BEAN1: variants seen among roughly 807,000 people sequenced by gnomAD.
BEAN1 encodes protein BEAN1.
A neutral mutation model predicts 17.7 loss-of-function variants in BEAN1; 17 were observed. The observed-to-expected ratio is 0.96, with a 90% CI of 0.66 to 1.44. The LOEUF (loss-of-function observed/expected upper bound fraction) is 1.44, where lower values mean the gene tolerates loss of function less well. Among genes scored for constraint, BEAN1 ranks in the 40% most tolerant of loss-of-function variants. The probability of loss-of-function intolerance (pLI) is 0.00; values close to 1 mark genes in which losing one functional copy is unlikely to be tolerated. For synonymous variants in BEAN1, 142 were observed against 151.8 expected (o/e 0.94, Z 0.47); for missense variants, 359 against 374.1 (o/e 0.96, Z 0.33).
chr16:66,458,245 A>G (rs1221081609), intron 2 of BEAN1, among the ~76,000 whole-genome samples: 1 of 152,056 alleles, frequency 6.6e-6, no homozygotes, highest in Non-Finnish European at 1.5e-5. Context: ...ACTTCCCTGA[A>G]CCCAGACAGA....
Position 66,477,658 on chromosome 16 carries a change from G to C in BEAN1, c.388G>C (p.Gly130Arg), listed in dbSNP as rs146091336. The C allele has an allele frequency of 3.1e-5, 48 of 1,550,626 alleles. No homozygotes were observed. Among genetic ancestry groups the C allele is most frequent in the Admixed American group, 5.9e-5 (3 of 50,850 alleles). Residue 130 changes from glycine to arginine, a missense_variant, in exon 4 of 5, where the codon GGG (glycine) becomes CGG (arginine). Transcript: ENST00000536005. Reference sequence around the variant, plus strand: ...CCCACCCTTGGACATCAGCTCTGACGGGGACGTGGATGCCACGGTGCTCAG... The same window carrying C: ...CCCACCCTTGGACATCAGCTCTGACCGGGACGTGGATGCCACGGTGCTCAG... ...WPPPLDISSD[G>R]DVDATVLREL...
chr16:66,491,143 C>T (rs1282634831), intron 4 of BEAN1, among the ~76,000 whole-genome samples: 1 of 152,210 alleles, frequency 6.6e-6, no homozygotes, highest in Non-Finnish European at 1.5e-5. Flanking sequence ...GGAGGGCCGG[C>T]TCGATGTCTG....
intron 2 of BEAN1, among the ~76,000 whole-genome samples, chr16:66,468,505 CA>C: frequency 6.6e-6 from 1 of 152,316 alleles, no homozygotes; most frequent in Middle Eastern, 3.4e-3. Flanking sequence ...GAAGGGTTTG[CA>C]CTGAGAGCAG....
chr16:66,479,320 CCCTGGGGGTG>C (rs1203630889), intron 4 of BEAN1, among the ~76,000 whole-genome samples: 1 of 152,052 alleles, frequency 6.6e-6, no homozygotes, highest in Non-Finnish European at 1.5e-5. Context: ...TGCACAGATG[CCCTGGGGGTG>C]CCTGGGAGCC....
At chr16:66,446,174 C>T (rs867054777) in intron 2 of BEAN1, among the ~76,000 whole-genome samples, 2 of 151,576 alleles carry the variant, frequency 1.3e-5, no homozygotes, top group African/African-American at 2.4e-5. Context: ...TAGAGCGAGA[C>T]TCTTAGAGTG....
At chr16:66,468,481 G>C (rs1402222066) in intron 2 of BEAN1, among the ~76,000 whole-genome samples, 2 of 152,186 alleles carry the variant, frequency 1.3e-5, no homozygotes, top group Admixed American at 6.5e-5. Flanking sequence ...CAGAGATCCG[G>C]CTGGCAGCCT....
At chr16:66,461,566 G>A (rs1269686927) in intron 2 of BEAN1, among the ~76,000 whole-genome samples, 3 of 72,174 alleles carry the variant, frequency 4.2e-5, no homozygotes, top group Non-Finnish European at 7.2e-5. Flanking sequence ...GCAGGCAGGC[G>A]CAGACACACA....
At chr16:66,450,382 T>G (rs73592643) in intron 2 of BEAN1, among the ~76,000 whole-genome samples, 1,760 of 152,286 alleles carry the variant, frequency 0.012, 37 homozygotes, top group African/African-American at 0.041. Context: ...CTAAGTGTAC[T>G]GCAATAACCA....
chr16:66,436,579 CT>C (rs879666514), intron 1 of BEAN1, among the ~76,000 whole-genome samples: 447 of 138,194 alleles, frequency 3.2e-3, no homozygotes, highest in Middle Eastern at 4.1e-3. Context: ...CATCCAGCCC[CT>C]TTTTTTTTTT....
chr16:66,476,488 CT>C (rs1368893691), intron 3 of BEAN1: 2 of 152,396 alleles, frequency 1.3e-5, no homozygotes, highest in Non-Finnish European at 2.9e-5. Context: ...AGCTCCGCCC[CT>C]GATGCCAAGC....
At chr16:66,429,754 TC>T (rs1961724530) in intron 1 of BEAN1, among the ~76,000 whole-genome samples, 1 of 152,190 alleles carries the variant, frequency 6.6e-6, no homozygotes, top group Non-Finnish European at 1.5e-5. Context: ...CGCTGTGTCT[TC>T]CAAAATCCTC....
downstream of BEAN1, chr16:66,482,955 C>G (rs1263888855): frequency 2.2e-6 from 1 of 454,702 alleles, no homozygotes; most frequent in Non-Finnish European, 4.4e-6. Flanking sequence ...CTCCTGGGCT[C>G]AAGTGATCCT....
At chr16:66,448,121 C>T (rs1962522131) in intron 2 of BEAN1, among the ~76,000 whole-genome samples, 1 of 152,202 alleles carries the variant, frequency 6.6e-6, no homozygotes, top group South Asian at 2.1e-4. Context: ...TGCAATCCCT[C>T]CCCTGTAGGC....
At position 66,471,782 on chromosome 16, in the gene BEAN1, GC is replaced by G. The variant is rs1477760090; in HGVS notation, c.289+1919del. ...CCAGTCTCTGCAAGTCTCCCCAGAA[GC>G]CAGGGACTCCCCAAGGAGACAAGCC... On this transcript the variant is annotated intron_variant, in intron 3 of 4. Coordinates refer to ENST00000536005, the MANE Select transcript of BEAN1 (RefSeq NM_001178020.3). The surrounding 1 kb of genome is among the most constrained non-coding windows in gnomAD (Gnocchi z 4.7). Among the ~76,000 whole-genome samples, 1 of 152,204 alleles carries G rather than the reference GC, an allele frequency of 6.6e-6. No homozygotes were observed. The highest frequency in any genetic ancestry group is 1.5e-5 in the Non-Finnish European group (1 of 68,024).
At chr16:66,432,556 C>A (rs1961846082) in intron 1 of BEAN1, among the ~76,000 whole-genome samples, 1 of 152,258 alleles carries the variant, frequency 6.6e-6, no homozygotes, top group Non-Finnish European at 1.5e-5. Flanking sequence ...GGCATCATGC[C>A]TTCACTCAGC....
At chr16:66,448,770 C>T (rs35207003) in intron 2 of BEAN1, among the ~76,000 whole-genome samples, 15,081 of 152,256 alleles carry the variant, frequency 0.099, 904 homozygotes, top group Middle Eastern at 0.24. Flanking sequence ...TTGCGGTGAG[C>T]CGAGATCGTG....
intron 4 of BEAN1, among the ~76,000 whole-genome samples, chr16:66,488,724 CAG>C (rs1964124695): frequency 6.6e-6 from 1 of 150,948 alleles, no homozygotes; most frequent in African/African-American, 2.4e-5. Flanking sequence ...AACAAACAAA[CAG>C]AAAACTACAC....
chr16:66,433,452 T>C (rs1206769524), intron 1 of BEAN1, among the ~76,000 whole-genome samples: 4 of 152,164 alleles, frequency 2.6e-5, no homozygotes, highest in Non-Finnish European at 5.9e-5. Context: ...TGGCAGCCTC[T>C]GCCCCTCCTC....
chr16:66,451,473 T>C (rs970262374), intron 2 of BEAN1: 1 of 152,234 alleles, frequency 6.6e-6, no homozygotes, highest in African/African-American at 2.4e-5. Context: ...CATTTTTAAA[T>C]GGTTAGTATC....
Sources: allele counts gnomAD v4.1 joint callset (sites outside exome capture counted in the v4.1 genomes callset), GRCh38; gene constraint gnomAD v4.1.1; non-coding constraint Gnocchi (gnomAD v3.1); transcripts MANE v1.5; gene names NCBI Gene and HGNC (gene_info 2026-07-23, HGNC 2026-07-21).